GFRAL: variants seen among roughly 807,000 people sequenced by gnomAD.
GFRAL encodes GDNF family receptor alpha like.
In GFRAL, 36 loss-of-function variants were observed where a neutral mutation model predicts 45.4. That is an observed-to-expected ratio of 0.79 (90% CI 0.61 to 1.05). The LOEUF is 1.05. GFRAL is among the 50% of genes least tolerant of loss of function. The pLI is 0.00. For synonymous variants in GFRAL, 166 were observed against 154.1 expected (o/e 1.08, Z -0.57); for missense variants, 507 against 467.5 (o/e 1.08, Z -0.78).
chr6:55,369,783 T>C (rs1581752408), intron 6 of GFRAL, among the ~76,000 whole-genome samples: 1 of 152,224 alleles, frequency 6.6e-6, no homozygotes, highest in Non-Finnish European at 1.5e-5. Flanking sequence ...ATATGGAACA[T>C]CTTTTCAGTG....
intron 3 of GFRAL, among the ~76,000 whole-genome samples, chr6:55,349,779 T>C (rs201010793): frequency 3.4e-4 from 46 of 136,782 alleles, no homozygotes; most frequent in East Asian, 1.9e-3. Flanking sequence ...TTTTTTTTTT[T>C]CCCCAGTCAG....
intron 3 of GFRAL, 132 bp from the exon 4 acceptor site, chr6:55,349,960 T>C: frequency 1.5e-6 from 1 of 660,092 alleles, no homozygotes; most frequent in Admixed American, 2.5e-5. Flanking sequence ...GCTAAATACA[T>C]GTTACATAAC....
intron 6 of GFRAL, among the ~76,000 whole-genome samples, chr6:55,374,378 A>G (rs1239179490): frequency 6.6e-6 from 1 of 152,144 alleles, no homozygotes; most frequent in African/African-American, 2.4e-5. Flanking sequence ...TCTAATGATC[A>G]GTGATGTTAA....
At chr6:55,361,041 C>CA (rs1768268678) in intron 6 of GFRAL, among the ~76,000 whole-genome samples, 1 of 151,754 alleles carries the variant, frequency 6.6e-6, no homozygotes, top group Non-Finnish European at 1.5e-5. Context: ...CTTTTCAGAG[C>CA]AAAAAATTTG....
chr6:55,331,061 A>G (rs956401310), intron 1 of GFRAL, among the ~76,000 whole-genome samples: 1 of 152,184 alleles, frequency 6.6e-6, no homozygotes, highest in Non-Finnish European at 1.5e-5. Context: ...AGAGATAACA[A>G]TTACGTACCT....
chr6:55,359,259 TG>T, intron 6 of GFRAL, 121 bp downstream of exon 6: 4 of 760,690 alleles, frequency 5.3e-6, no homozygotes, highest in Non-Finnish European at 8.1e-6. Flanking sequence ...TTTTTGTGTT[TG>T]GTATTGCATT....
intron 6 of GFRAL, among the ~76,000 whole-genome samples, chr6:55,398,327 A>T (rs1458838727): frequency 6.6e-6 from 1 of 152,174 alleles, no homozygotes; most frequent in Non-Finnish European, 1.5e-5. Context: ...CCTCTCTAAA[A>T]TGGGAGCTTT....
intron 6 of GFRAL, among the ~76,000 whole-genome samples, chr6:55,362,686 G>A (rs922729277): frequency 6.6e-6 from 1 of 152,004 alleles, no homozygotes; most frequent in Non-Finnish European, 1.5e-5. Flanking sequence ...TTATACCGAA[G>A]GAGTGAGAGG....
At chr6:55,355,157 T>TC in intron 5 of GFRAL, among the ~76,000 whole-genome samples, 1 of 152,010 alleles carries the variant, frequency 6.6e-6, no homozygotes, top group Non-Finnish European at 1.5e-5. Context: ...TTGTTTTTTT[T>TC]CCCTAAATGT....
At chr6:55,344,698 A>T (rs1768015035) in intron 3 of GFRAL, among the ~76,000 whole-genome samples, 1 of 152,230 alleles carries the variant, frequency 6.6e-6, no homozygotes, top group Non-Finnish European at 1.5e-5. Context: ...CAGCGCAATC[A>T]GGCAGGAGAA....
chr6:55,377,240 C>A (rs1037417301), intron 6 of GFRAL, among the ~76,000 whole-genome samples: 1 of 151,994 alleles, frequency 6.6e-6, no homozygotes, highest in Non-Finnish European at 1.5e-5. Flanking sequence ...TAAGACAATT[C>A]TCCATATTTT....
At chr6:55,346,362 T>C (rs925198643) in intron 3 of GFRAL, among the ~76,000 whole-genome samples, 7 of 152,048 alleles carry the variant, frequency 4.6e-5, no homozygotes, top group African/African-American at 1.7e-4. Flanking sequence ...TATGCAGCCA[T>C]AAAAAAGGAT....
At chr6:55,391,442 A>G (rs1768752717) in intron 6 of GFRAL, among the ~76,000 whole-genome samples, 1 of 152,190 alleles carries the variant, frequency 6.6e-6, no homozygotes, top group African/African-American at 2.4e-5. Context: ...GTTTTGTGGT[A>G]GGCATCATAT....
In GFRAL at chr6:55,397,383, T is replaced by C. The variant is rs2127367313; in HGVS notation, c.953-1797T>C. On this transcript the variant is annotated intron_variant, in intron 6 of 8. Transcript: ENST00000340465. ...AATACAAAAAATTAGCCGGGCGCAGTGGCGGGCGCCTGTAGTCCCAGCTAC... is the reference window on the plus strand; with the variant it reads ...AATACAAAAAATTAGCCGGGCGCAGCGGCGGGCGCCTGTAGTCCCAGCTAC... 1.4e-5 allele frequency among the ~76,000 whole-genome samples: 2 copies of C among 147,432 alleles called. 1 individual carries two copies. Among genetic ancestry groups the C allele is most frequent in the Middle Eastern group, 6.9e-3 (2 of 290 alleles).
rs142329197 is a variant in GFRAL at position 55,351,532 on chromosome 6, C to G, written c.650C>G (p.Pro217Arg). The G allele has an allele frequency of 3.8e-5, 61 of 1,608,118 alleles. No individual in the cohort carries two copies. The African/African-American group carries it at 7.6e-4, about 20-fold the overall frequency. Residue 217 changes from proline to arginine, a missense_variant, in exon 5 of 9, where the codon CCC becomes CGC. Coordinates refer to ENST00000340465, the MANE Select transcript of GFRAL (RefSeq NM_207410.2). Reference protein sequence around the residue: ...SKTCAVNMVPPPTCLSVIRSC... With the variant: ...SKTCAVNMVPRPTCLSVIRSC... Reference sequence around the variant, plus strand: ...ACATGTGCAGTGAACATGGTTCCACCCCCTACTTGCCTCAGTGTAATTCGC... The same window carrying G: ...ACATGTGCAGTGAACATGGTTCCACGCCCTACTTGCCTCAGTGTAATTCGC...
At chr6:55,359,164 GTCTATCTA>G (rs60419272) in intron 6 of GFRAL, 26 bp downstream of exon 6, 10 of 1,370,176 alleles carry the variant, frequency 7.3e-6, no homozygotes, top group South Asian at 4.8e-5. Context: ...AAAATTATCT[GTCTATCTA>G]TCTATCTATC....
At chr6:55,333,103 CAAA>C (rs1291281422) in intron 2 of GFRAL, among the ~76,000 whole-genome samples, 1 of 151,972 alleles carries the variant, frequency 6.6e-6, no homozygotes, top group Non-Finnish European at 1.5e-5. Flanking sequence ...TTTCAGTATA[CAAA>C]TAGTCTTTTG....
Position 55,358,979 on chromosome 6 carries a change from C to T in GFRAL, c.793C>T (p.Gln265Ter). 6.2e-7 allele frequency: 1 copy of T among 1,613,140 alleles called. No individual in the cohort carries two copies. The highest frequency in any genetic ancestry group is 1.3e-5 in the African/African-American group (1 of 74,964). The change falls in exon 6 of 9, where the codon CAG becomes TAG. Residue 265 changes from glutamine (Q) to a stop codon, truncating the protein, a stop_gained. Coordinates refer to ENST00000340465, the MANE Select transcript of GFRAL (RefSeq NM_207410.2). LOFTEE classifies it high-confidence loss of function. ...GAATTGCATTAGCACCTTAAGCAAACAGGACCTCACTTGTTCAGGAAGTGA... is the reference window on the plus strand; with the variant it reads ...GAATTGCATTAGCACCTTAAGCAAATAGGACCTCACTTGTTCAGGAAGTGA... The part of the protein sequence containing the change: ...DENCISTLSK[Q>*]DLTCSGSDDC...
chr6:55,368,778 C>T (rs893027076), intron 6 of GFRAL, among the ~76,000 whole-genome samples: 8 of 152,186 alleles, frequency 5.3e-5, no homozygotes, highest in African/African-American at 1.7e-4. Context: ...AGGGACCCAC[C>T]TGAGGAGGCA....
Sources: gnomAD v4.1 joint callset for allele counts (sites outside exome capture counted in the v4.1 genomes callset) on GRCh38, gnomAD v4.1.1 for gene constraint, MANE v1.5 for transcripts, NCBI Gene and HGNC (gene_info 2026-07-23, HGNC 2026-07-21) for gene names.